The following RBM27 variants were observed in gnomAD, a reference collection of about 807,000 sequenced individuals.
RBM27 encodes RNA-binding protein 27.
In RBM27, 22 loss-of-function variants were observed where a neutral mutation model predicts 135.3. That is an observed-to-expected ratio of 0.16 (90% CI 0.12 to 0.23). RBM27 has a LOEUF of 0.23. Among genes scored for constraint, RBM27 ranks in the 10% least tolerant of loss-of-function variants. The probability of loss-of-function intolerance (pLI) is 1.00; values close to 1 mark genes in which losing one functional copy is unlikely to be tolerated. For missense variants in RBM27, 1,009 were observed against 1,281.0 expected (o/e 0.79, Z 3.24); for synonymous variants, 481 against 442.4 (o/e 1.09, Z -1.10).
chr5:146,217,467 T>TTTTTTTTTTTTTTTTTTTTTTTTTTTTTG, intron 1 of RBM27, among the ~76,000 whole-genome samples: 1 of 91,782 alleles, frequency 1.1e-5, no homozygotes, highest in African/African-American at 3.3e-5. Context: ...GAAGCCTGTT[T>TTTTTTTTTTTTTTTTTTTTTTTTTTTTTG]TTTTTTTTTT....
intron 9 of RBM27, among the ~76,000 whole-genome samples, 185 bp downstream of exon 9, chr5:146,252,060 C>T (rs528148090): frequency 1.3e-5 from 2 of 152,276 alleles, no homozygotes; most frequent in Non-Finnish European, 2.9e-5. Context: ...GATTAGGCCT[C>T]CTGTGTATCT....
chr5:146,269,366 C>T, intron 16 of RBM27, 54 bp from the exon 17 acceptor site: 1 of 1,480,732 alleles, frequency 6.8e-7, no homozygotes, highest in Non-Finnish European at 9.1e-7. Flanking sequence ...TTAAAGACTT[C>T]TTTATATTAA....
chr5:146,267,360 A>G (rs886153330), intron 14 of RBM27, among the ~76,000 whole-genome samples: 1 of 152,108 alleles, frequency 6.6e-6, no homozygotes, highest in African/African-American at 2.4e-5. Flanking sequence ...ATGATTAGGG[A>G]TTGGTCTTGC....
chr5:146,255,861 CTT>C (rs554082895), intron 10 of RBM27, among the ~76,000 whole-genome samples: 1 of 143,446 alleles, frequency 7.0e-6, no homozygotes. Flanking sequence ...TCTTCTTCTT[CTT>C]TTTTTTTTTT....
At chr5:146,255,203 A>G (rs1758054570) in intron 10 of RBM27, 111 bp downstream of exon 10, 1 of 898,238 alleles carries the variant, frequency 1.1e-6, no homozygotes, top group African/African-American at 1.7e-5. Context: ...CAAATTACTT[A>G]TATATTATCT....
chr5:146,226,235 G>T (rs927787994), intron 3 of RBM27, among the ~76,000 whole-genome samples: 1 of 151,378 alleles, frequency 6.6e-6, no homozygotes, highest in Non-Finnish European at 1.5e-5. Context: ...TATAATTTTT[G>T]GTCTATGGTA....
At chr5:146,261,847 C>A in intron 13 of RBM27, 41 bp downstream of exon 13, 1 of 1,597,566 alleles carries the variant, frequency 6.3e-7, no homozygotes, top group Non-Finnish European at 8.6e-7. Flanking sequence ...TTTAGTTACA[C>A]CCTCTAGATC....
At chr5:146,270,307 TATGTAGA>T (rs1189810845) in intron 17 of RBM27, among the ~76,000 whole-genome samples, 8 of 152,038 alleles carry the variant, frequency 5.3e-5, no homozygotes, top group Admixed American at 1.3e-4. Flanking sequence ...ATTTGTCAGA[TATGTAGA>T]ATGTAAATTG....
At chr5:146,267,866 C>A in intron 15 of RBM27, 98 bp downstream of exon 15, 2 of 1,176,892 alleles carry the variant, frequency 1.7e-6, no homozygotes, top group African/African-American at 1.6e-5. Flanking sequence ...GTTGGCAGGG[C>A]ATAACATCAT....
intron 10 of RBM27, among the ~76,000 whole-genome samples, chr5:146,257,056 A>G (rs916652374): frequency 6.6e-6 from 1 of 152,222 alleles, no homozygotes; most frequent in Non-Finnish European, 1.5e-5. Flanking sequence ...AGCAAGGATC[A>G]CGTCTATTTT....
intron 3 of RBM27, among the ~76,000 whole-genome samples, chr5:146,224,313 C>G (rs1265815184): frequency 6.6e-6 from 1 of 152,074 alleles, no homozygotes; most frequent in Non-Finnish European, 1.5e-5. Context: ...AGAAATATTT[C>G]CCAGTATTTA....
rs1756545058 is a variant in RBM27 at position 146,223,533 on chromosome 5, G to A, written c.303+6G>A. 1.9e-6 allele frequency: 3 copies of A among 1,592,934 alleles called. No homozygotes were observed. The highest frequency in any genetic ancestry group is 2.7e-5 in the African/African-American group (2 of 73,264). ...AAGAAGAAATTAAAGAAGAGGTAATGCAAATTTTTTCTCCTGCTTTTGGGG... is the reference window on the plus strand; with the variant it reads ...AAGAAGAAATTAAAGAAGAGGTAATACAAATTTTTTCTCCTGCTTTTGGGG... On this transcript the variant is annotated splice_donor_region_variant and intron_variant, in intron 3 of 20. Transcript: ENST00000265271.
intron 14 of RBM27, among the ~76,000 whole-genome samples, chr5:146,265,266 G>T (rs551275044): frequency 6.6e-6 from 1 of 152,132 alleles, no homozygotes; most frequent in African/African-American, 2.4e-5. Flanking sequence ...ACTATATAAA[G>T]AATGAAGAAT....
rs1057297598 is a variant in RBM27, at chr5:146,288,048, A to C, written c.*2018A>C. 4.6e-5 allele frequency: 7 copies of C among 151,910 alleles called. No individual in the cohort carries two copies. Among genetic ancestry groups the C allele is most frequent in the Non-Finnish European group, 8.8e-5 (6 of 67,908 alleles). 9.4% of individuals were successfully genotyped at this position (151,910 alleles called of 1,614,324 possible). On this transcript the variant is annotated 3_prime_UTR_variant, in exon 21 of 21. Transcript: ENST00000265271. ...TTTTCTTAAACTGTATAATTTTGTAAATAATTTGTTTGGGTTTTTTTTTTG... is the reference window on the plus strand; with the variant it reads ...TTTTCTTAAACTGTATAATTTTGTACATAATTTGTTTGGGTTTTTTTTTTG...
At chr5:146,215,523 T>C (rs1176939407) in intron 1 of RBM27, among the ~76,000 whole-genome samples, 1 of 152,212 alleles carries the variant, frequency 6.6e-6, no homozygotes, top group Non-Finnish European at 1.5e-5. Flanking sequence ...CTTCCATTCT[T>C]ATTTATTTTT....
At chr5:146,249,413 C>T (rs764381213) in intron 8 of RBM27, among the ~76,000 whole-genome samples, 3 of 151,240 alleles carry the variant, frequency 2.0e-5, no homozygotes, top group East Asian at 2.0e-4. Context: ...GGGCTGGGCA[C>T]GGTGGCTCAC....
In RBM27 at chr5:146,269,428, A is replaced by T. The variant is rs1366615666; in HGVS notation, c.2535A>T (p.Ile845=). The change falls in exon 17 of 21, where the codon ATA becomes ATT. Residue 845 remains isoleucine (I), a synonymous_variant. Coordinates refer to ENST00000265271, the MANE Select transcript of RBM27 (RefSeq NM_018989.2). Reference sequence around the variant, plus strand: ...TTCTATTTATTTCGTAGATGTTAATATCCAAGTTAGAAAAAAACAAAAACA... The same window carrying T: ...TTCTATTTATTTCGTAGATGTTAATTTCCAAGTTAGAAAAAAACAAAAACA... ...EKQIECQKML[I]SKLEKNKNMK... is the part of the protein sequence containing the mutation. 3 of 1,556,278 alleles carry T rather than the reference A, an allele frequency of 1.9e-6. No homozygotes were observed. In the Admixed American group the frequency reaches 6.3e-5, roughly 33 times the overall value.
At chr5:146,238,563 G>A (rs1289565071) in intron 8 of RBM27, among the ~76,000 whole-genome samples, 1 of 151,920 alleles carries the variant, frequency 6.6e-6, no homozygotes, top group Non-Finnish European at 1.5e-5. Context: ...TTGTTTCTTA[G>A]GTGTTTTATT....
intron 8 of RBM27, among the ~76,000 whole-genome samples, chr5:146,247,205 T>A (rs1757663252): frequency 6.6e-6 from 1 of 152,102 alleles, no homozygotes; most frequent in African/African-American, 2.4e-5. Flanking sequence ...CTCCTCAAAA[T>A]TCAGCTTAAT....
Sources: gnomAD v4.1 joint callset for allele counts (sites outside exome capture counted in the v4.1 genomes callset) on GRCh38, gnomAD v4.1.1 for gene constraint, MANE v1.5 for transcripts, NCBI Gene and HGNC (gene_info 2026-07-23, HGNC 2026-07-21) for gene names.